WWTR1: variants seen among roughly 807,000 people sequenced by gnomAD.
WWTR1 encodes WW domain containing transcription regulator 1.
WWTR1 carries 13 observed loss-of-function variants against 40.1 expected under a neutral mutation model. The observed-to-expected ratio is 0.32, with a 90% CI of 0.21 to 0.52. The LOEUF (loss-of-function observed/expected upper bound fraction) is 0.52. Among genes scored for constraint, WWTR1 ranks in the 20% least tolerant of loss-of-function variants. The pLI, the probability that WWTR1 is intolerant of heterozygous loss-of-function variation, is 0.97. For missense variants in WWTR1, 436 were observed against 523.1 expected, an observed-to-expected ratio of 0.83 and a Z score of 1.63; for synonymous variants, 230 against 210.1, an observed-to-expected ratio of 1.09 and a Z score of -0.82.
intron 2 of WWTR1, among the ~76,000 whole-genome samples, chr3:149,630,407 C>G (rs568447973): frequency 6.6e-6 from 1 of 152,154 alleles, no homozygotes; most frequent in Non-Finnish European, 1.5e-5. Flanking sequence ...CAACTTCTCT[C>G]GGACCAGTAG....
chr3:149,699,947 A>T (rs904453359), intron 1 of WWTR1, among the ~76,000 whole-genome samples: 6 of 152,302 alleles, frequency 3.9e-5, no homozygotes, highest in Admixed American at 2.0e-4. Context: ...TTTCTGTATC[A>T]GTCCACTTTC....
At chr3:149,663,834 C>A (rs1040211262) in intron 2 of WWTR1, among the ~76,000 whole-genome samples, 2 of 152,192 alleles carry the variant, frequency 1.3e-5, no homozygotes, top group African/African-American at 4.8e-5. Flanking sequence ...TAATTTCTCA[C>A]CATTCACTAC....
At chr3:149,710,533 T>C (rs753793704) in intron 5 of WWTR1, among the ~76,000 whole-genome samples, 1 of 144,210 alleles carries the variant, frequency 6.9e-6, no homozygotes, top group Non-Finnish European at 1.5e-5. Flanking sequence ...AATTGATACC[T>C]ACAAAACACT....
intron 2 of WWTR1, among the ~76,000 whole-genome samples, chr3:149,588,839 A>G (rs1224158833): frequency 6.6e-6 from 1 of 152,042 alleles, no homozygotes; most frequent in African/African-American, 2.4e-5. Context: ...GCTATAGTGC[A>G]GGACTGAAAA....
chr3:149,525,848 C>G (rs1386508329), intron 6 of WWTR1, 165 bp downstream of exon 6: 2 of 421,656 alleles, frequency 4.7e-6, no homozygotes, highest in Non-Finnish European at 8.2e-6. Flanking sequence ...TATCCCAAAC[C>G]CCGGCATCAC....
intron 6 of WWTR1, 162 bp downstream of exon 6, chr3:149,525,851 G>A (rs28763912): frequency 0.13 from 55,580 of 418,870 alleles, 4,143 homozygotes; most frequent in Non-Finnish European, 0.16. Context: ...CCCAAACCCC[G>A]GCATCACATA....
At chr3:149,574,380 C>T (rs1560067374) in intron 2 of WWTR1, among the ~76,000 whole-genome samples, 1 of 152,134 alleles carries the variant, frequency 6.6e-6, no homozygotes, top group Non-Finnish European at 1.5e-5. Context: ...AGACAACAAA[C>T]ATGATAGAAG....
chr3:149,609,362 G>A (rs1183913084), intron 2 of WWTR1, among the ~76,000 whole-genome samples: 1 of 152,130 alleles, frequency 6.6e-6, no homozygotes, highest in African/African-American at 2.4e-5. Context: ...AAATTATTGC[G>A]CTAGTTCACC....
At chr3:149,573,140 T>TGAAA in intron 2 of WWTR1, 140 bp from the exon 3 acceptor site, 3 of 934,330 alleles carry the variant, frequency 3.2e-6, no homozygotes, top group Non-Finnish European at 4.7e-6. Flanking sequence ...CTTGGTTTCA[T>TGAAA]CCAAGGACAT....
chr3:149,687,263 C>T (rs1369949705), intron 1 of WWTR1, among the ~76,000 whole-genome samples: 3 of 152,206 alleles, frequency 2.0e-5, no homozygotes, highest in African/African-American at 7.2e-5. Flanking sequence ...TGCATCATAG[C>T]CTCTAGAACT....
upstream of WWTR1, among the ~76,000 whole-genome samples, chr3:149,706,886 A>C (rs528995919): frequency 1.8e-4 from 27 of 152,266 alleles, no homozygotes; most frequent in Admixed American, 5.9e-4. Flanking sequence ...CTACCACTCA[A>C]TTGCTCCGTG....
intron 3 of WWTR1, among the ~76,000 whole-genome samples, chr3:149,558,081 C>T (rs1472303498): frequency 1.3e-5 from 2 of 151,334 alleles, no homozygotes; most frequent in Non-Finnish European, 2.9e-5. Context: ...ATCATAATTT[C>T]ATTTTAAAAC....
At chr3:149,592,030 C>G (rs1002359753) in intron 2 of WWTR1, among the ~76,000 whole-genome samples, 2 of 152,204 alleles carry the variant, frequency 1.3e-5, no homozygotes. Flanking sequence ...CAGGTTCAAC[C>G]AGACTGTGAG....
intron 2 of WWTR1, among the ~76,000 whole-genome samples, chr3:149,578,412 C>T (rs1737988719): frequency 6.6e-6 from 1 of 152,188 alleles, no homozygotes; most frequent in Non-Finnish European, 1.5e-5. Context: ...GTTCTCCTGG[C>T]TTCCCAAACT....
intron 5 of WWTR1, among the ~76,000 whole-genome samples, chr3:149,713,734 G>A (rs1436105677): frequency 1.3e-5 from 2 of 152,190 alleles, no homozygotes; most frequent in Non-Finnish European, 2.9e-5. Context: ...CAGTTATAAG[G>A]ATCACAGTGA....
chr3:149,573,421 A>T (rs758399725), intron 2 of WWTR1, among the ~76,000 whole-genome samples: 1 of 152,172 alleles, frequency 6.6e-6, no homozygotes, highest in African/African-American at 2.4e-5. Flanking sequence ...CCTGACTCAT[A>T]GAATTGACAT....
chr3:149,568,523 C>CAAAAAAAAAAAAAAAAAAA (rs34414853), intron 3 of WWTR1, among the ~76,000 whole-genome samples: 2 of 64,816 alleles, frequency 3.1e-5, no homozygotes, highest in African/African-American at 4.8e-5. Context: ...AATTAAAGTG[C>CAAAAAAAAAAAAAAAAAAA]AAAAAAAAAA....
intron 1 of WWTR1, among the ~76,000 whole-genome samples, chr3:149,690,782 C>T (rs931611917): frequency 4.6e-5 from 7 of 152,182 alleles, no homozygotes; most frequent in African/African-American, 1.7e-4. Flanking sequence ...TAGATGTTTA[C>T]AAAACATTTC....
chr3:149,594,839 T>A (rs1202102375), intron 2 of WWTR1, among the ~76,000 whole-genome samples: 1 of 152,026 alleles, frequency 6.6e-6, no homozygotes, highest in East Asian at 1.9e-4. Context: ...AGGTTAATTT[T>A]CTTGGGTATA....
Sources: gnomAD v4.1 joint callset for allele counts (sites outside exome capture counted in the v4.1 genomes callset) on GRCh38, gnomAD v4.1.1 for gene constraint, MANE v1.5 for transcripts, NCBI Gene and HGNC (gene_info 2026-07-23, HGNC 2026-07-21) for gene names.